Variants in HK1 observed in about 807,000 individuals in gnomAD.
HK1 encodes hexokinase 1.
HK1 carries 28 observed loss-of-function variants against 91.6 expected under a neutral mutation model. The observed-to-expected ratio is 0.31, with a 90% CI of 0.23 to 0.42. HK1 has a LOEUF of 0.42. HK1 is among the 10% of genes least tolerant of loss of function. The pLI is 1.00. For synonymous variants in HK1, 430 were observed against 468.1 expected, an observed-to-expected ratio of 0.92 and a Z score of 1.05; for missense variants, 770 against 1,219.8, an observed-to-expected ratio of 0.63 and a Z score of 5.49.
intron 3 of HK1, among the ~76,000 whole-genome samples, chr10:69,362,264 G>A (rs749029652): frequency 6.6e-5 from 10 of 151,640 alleles, no homozygotes; most frequent in African/African-American, 1.2e-4. Context: ...TTTTTTTAAA[G>A]ATGGGATCTT....
At chr10:69,345,337 G>T (rs1848495215) in intron 2 of HK1, among the ~76,000 whole-genome samples, 1 of 152,156 alleles carries the variant, frequency 6.6e-6, no homozygotes, top group African/African-American at 2.4e-5. Flanking sequence ...AAGAGATTCT[G>T]GCCATCAGAG....
upstream of HK1, among the ~76,000 whole-genome samples, chr10:69,311,919 G>A (rs1366211907): frequency 6.6e-6 from 1 of 152,168 alleles, no homozygotes; most frequent in African/African-American, 2.4e-5. Context: ...ATAGGCGTGA[G>A]CCACCGCGCT....
intron 3 of HK1, among the ~76,000 whole-genome samples, chr10:69,361,402 T>G (rs1849410891): frequency 6.6e-6 from 1 of 152,240 alleles, no homozygotes. Context: ...GCATTGCTTC[T>G]CCTTGCAGGT....
chr10:69,286,840 A>C lies in HK1; in HGVS notation c.-214-1831A>C, dbSNP rs957705483. Among the ~76,000 whole-genome samples, 3 of 152,258 alleles carry C rather than the reference A, an allele frequency of 2.0e-5. No homozygotes were observed. The East Asian group carries it at 5.8e-4, about 29-fold the overall frequency. ...TGGGATTACAGGCATGGGCCACCTC[A>C]TGAGGCGCCTGGCCTCATGCTTTGC... On this transcript the variant is annotated intron_variant, in intron 2 of 21. Transcript: ENST00000360289.
chr10:69,356,969 A>G (rs1418873694), intron 2 of HK1, among the ~76,000 whole-genome samples: 1 of 152,120 alleles, frequency 6.6e-6, no homozygotes, highest in Non-Finnish European at 1.5e-5. Context: ...CCAAGTGGCC[A>G]ATAAGCACAT....
intron 4 of HK1, among the ~76,000 whole-genome samples, chr10:69,365,634 T>C (rs1849661310): frequency 6.6e-6 from 1 of 152,036 alleles, no homozygotes; most frequent in Non-Finnish European, 1.5e-5. Context: ...TCCCAGCACT[T>C]TGGGAGGCCG....
In HK1 at chr10:69,386,427, T is replaced by G; in HGVS notation, c.1935+9T>G. The G allele has an allele frequency of 5.7e-6, 9 of 1,592,510 alleles. No homozygotes were observed. Among genetic ancestry groups the G allele is most frequent in the Non-Finnish European group, 7.8e-6 (9 of 1,160,504 alleles). On this transcript the variant is annotated intron_variant, in intron 13 of 17. Transcript: ENST00000359426. ...CGATAAAAAGGAGAGAGGTAACTATTAAAAGAATGTTTTTTAAAATCTTTA... is the reference window on the plus strand; with the variant it reads ...CGATAAAAAGGAGAGAGGTAACTATGAAAAGAATGTTTTTTAAAATCTTTA...
At chr10:69,318,308 TC>T, upstream of HK1, 1 of 834,850 alleles carries the variant, frequency 1.2e-6, no homozygotes, top group Non-Finnish European at 1.4e-6. Flanking sequence ...CGTCCCCGGC[TC>T]CCGCTTCCGC....
At chr10:69,337,848 G>C (rs1291834283) in intron 1 of HK1, among the ~76,000 whole-genome samples, 1 of 152,236 alleles carries the variant, frequency 6.6e-6, no homozygotes, top group African/African-American at 2.4e-5. Flanking sequence ...GGGGTGGGGT[G>C]AAAATGGCTG....
intron 3 of HK1, among the ~76,000 whole-genome samples, chr10:69,361,816 T>G (rs947848755): frequency 3.3e-5 from 5 of 152,178 alleles, no homozygotes; most frequent in African/African-American, 1.2e-4. Flanking sequence ...AGCAAATTCT[T>G]TTTTTTCTTC....
At chr10:69,295,340 C>T (rs914159583) in intron 3 of HK1, among the ~76,000 whole-genome samples, 12 of 152,142 alleles carry the variant, frequency 7.9e-5, no homozygotes, top group Non-Finnish European at 1.5e-4. Flanking sequence ...CCTTGAGGGC[C>T]GAACCACGGT....
chr10:69,274,572 A>G (rs936211353), intron 1 of HK1, among the ~76,000 whole-genome samples: 2 of 150,278 alleles, frequency 1.3e-5, no homozygotes, highest in Non-Finnish European at 2.9e-5. Flanking sequence ...CCTGGGTGAC[A>G]GAGCAAAACT....
intron 3 of HK1, among the ~76,000 whole-genome samples, chr10:69,293,172 G>A (rs1005813749): frequency 2.6e-5 from 4 of 152,170 alleles, no homozygotes; most frequent in Non-Finnish European, 4.4e-5. Flanking sequence ...ATGTGGGGAC[G>A]TTTATCAACT....
At position 69,394,945 on chromosome 10, in the gene HK1, C is replaced by G. The variant is rs757639069; in HGVS notation, c.2220-5C>G. The G allele has an allele frequency of 3.7e-6, 6 of 1,613,942 alleles. No individual in the cohort carries two copies. In the Admixed American group the frequency reaches 6.7e-5, roughly 18 times the overall value. On this transcript the variant is annotated splice_polypyrimidine_tract_variant and splice_region_variant and intron_variant, in intron 15 of 17. Transcript: ENST00000359426. Reference sequence around the variant, plus strand: ...AGACACCCCAGGCCCCTCCTCCTGTCTCAGGTATGAGAAGATGATCAGTGG... The same window carrying G: ...AGACACCCCAGGCCCCTCCTCCTGTGTCAGGTATGAGAAGATGATCAGTGG...
intron 9 of HK1, among the ~76,000 whole-genome samples, chr10:69,382,272 G>A (rs1381069162): frequency 6.6e-6 from 1 of 152,178 alleles, no homozygotes; most frequent in Non-Finnish European, 1.5e-5. Context: ...CTACTCGGGA[G>A]GCTAAGGTGG....
chr10:69,355,119 G>A (rs1849066841), intron 2 of HK1, among the ~76,000 whole-genome samples: 2 of 147,212 alleles, frequency 1.4e-5, no homozygotes, highest in East Asian at 2.0e-4. Flanking sequence ...TTCAATGTGA[G>A]AATTCCTTGG....
chr10:69,336,337 A>G (rs1021906143), intron 1 of HK1, among the ~76,000 whole-genome samples: 27 of 151,706 alleles, frequency 1.8e-4, no homozygotes, highest in Admixed American at 1.7e-3. Context: ...GATTACAGGC[A>G]TGTGCCACCA....
chr10:69,327,203 C>A (rs1847434824), intron 1 of HK1, among the ~76,000 whole-genome samples: 1 of 151,884 alleles, frequency 6.6e-6, no homozygotes, highest in Non-Finnish European at 1.5e-5. Context: ...GTTGGTCAGG[C>A]TGGTCTCAAA....
At chr10:69,294,006 C>G (rs549804865) in intron 3 of HK1, among the ~76,000 whole-genome samples, 1 of 151,536 alleles carries the variant, frequency 6.6e-6, no homozygotes, top group Non-Finnish European at 1.5e-5. Context: ...GGACTACAGG[C>G]GCCCACCACC....
Sources: allele counts gnomAD v4.1 joint callset (sites outside exome capture counted in the v4.1 genomes callset), GRCh38; gene constraint gnomAD v4.1.1; transcripts MANE v1.5; gene names NCBI Gene and HGNC (gene_info 2026-07-23, HGNC 2026-07-21).